The following KCNA7 variants were observed in gnomAD, a reference collection of about 807,000 sequenced individuals.
KCNA7 encodes the protein potassium channel, voltage gated shaker related subfamily A, member 7.
A neutral mutation model predicts 21.5 loss-of-function variants in KCNA7; 15 were observed. The ratio of observed to expected loss-of-function variants is 0.70; its 90% CI spans 0.47 to 1.07. KCNA7 has a LOEUF of 1.07. Among genes scored for constraint, KCNA7 ranks in the 50% least tolerant of loss-of-function variants. The pLI is 0.00. For missense variants in KCNA7, 640 were observed against 651.6 expected (o/e 0.98, Z 0.19); for synonymous variants, 298 against 291.0 (o/e 1.02, Z -0.24).
intron 1 of KCNA7, 70 bp downstream of exon 1, chr19:49,071,961 C>T: frequency 7.0e-7 from 1 of 1,438,834 alleles, no homozygotes; most frequent in African/African-American, 1.4e-5. Context: ...TATGATTGGC[C>T]AGGTCCCCTC....
intron 1 of KCNA7, 27 bp downstream of exon 1, chr19:49,072,004 C>A: frequency 6.6e-7 from 1 of 1,524,004 alleles, no homozygotes; most frequent in South Asian, 1.2e-5. Flanking sequence ...AAACCCCGCC[C>A]GTCTCCACCC....
rs2040227348 is a variant in KCNA7, at chr19:49,067,805, G to A, written c.*2258C>T. On this transcript the variant is annotated 3_prime_UTR_variant, in exon 2 of 2. Transcript: ENST00000221444. ...TTCCTGAGCTGCAGGGAGGGTAGGT[G>A]ACAGGCCTGGTTCAGGATTGTTCTG... 2.6e-5 allele frequency: 4 copies of A among 152,384 alleles called. 1 individual carries two copies. The South Asian group carries it at 8.3e-4, about 32-fold the overall frequency. 9.4% of individuals were successfully genotyped at this position (152,384 alleles called of 1,614,324 possible).
Position 49,070,868 on chromosome 19 carries a change from G to C in KCNA7, c.566C>G (p.Pro189Arg), listed in dbSNP as rs1611775. Residue 189 changes from proline to arginine, a missense_variant, in exon 2 of 2, where the codon CCG becomes CGG. Coordinates refer to ENST00000221444, the MANE Select transcript of KCNA7 (RefSeq NM_031886.3). The surrounding 1 kb of genome is among the most constrained non-coding windows in gnomAD (Gnocchi z 4.3). ...AAAAAGPFPA[P>R]LNGSSQMPGN... ...AGGCATTTGGCTGGAGCCATTCAGC[G>C]GAGCGGGGAACTGCAGGGAGGAAAG... 0.36 allele frequency: 579,892 copies of C among 1,611,406 alleles called. 105,799 individuals carry two copies. The highest frequency in any genetic ancestry group is 0.47 in the African/African-American group (35,022 of 74,900).
Position 49,069,682 on chromosome 19 carries a change from A to T in KCNA7, c.*381T>A, listed in dbSNP as rs2040242329. The T allele has an allele frequency of 9.7e-6, 2 of 205,954 alleles. No individual in the cohort carries two copies. Among genetic ancestry groups the T allele is most frequent in the Non-Finnish European group, 2.0e-5 (2 of 101,692 alleles). 12.8% of individuals were successfully genotyped at this position (205,954 alleles called of 1,614,324 possible). ...CAAACCACAGAATCCTACACAATGC[A>T]GCTGGACCACACTATCCCAGACTCA... On this transcript the variant is annotated 3_prime_UTR_variant, in exon 2 of 2. Transcript: ENST00000221444.
At chr19:49,071,682 G>C (rs960122790) in intron 1 of KCNA7, among the ~76,000 whole-genome samples, 1 of 152,048 alleles carries the variant, frequency 6.6e-6, no homozygotes, top group Admixed American at 6.6e-5. Context: ...AGCACCCTCA[G>C]CTGGAGTTAT....
In KCNA7 at chr19:49,070,412, T is replaced by C; in HGVS notation, c.1022A>G (p.His341Arg). 6.2e-7 allele frequency: 1 copy of C among 1,613,898 alleles called. No homozygotes were observed. The highest frequency in any genetic ancestry group is 1.1e-5 in the South Asian group (1 of 91,082). ...YFAEVDRVDS[H>R]FTSIPESFWW... ...GAAGGACTCAGGGATGCTAGTGAAA[T>C]GGGAGTCCACCCGGTCAACTTCGGC... The change falls in exon 2 of 2, where the codon CAT becomes CGT. Residue 341 changes from histidine to arginine, a missense_variant. Coordinates refer to ENST00000221444, the MANE Select transcript of KCNA7 (RefSeq NM_031886.3). This position sits in a 1 kb window ranked among gnomAD's most constrained non-coding sequence, Gnocchi z 4.3.
At chr19:49,071,720 G>A (rs573580337) in intron 1 of KCNA7, among the ~76,000 whole-genome samples, 5 of 152,156 alleles carry the variant, frequency 3.3e-5, no homozygotes, top group Admixed American at 3.3e-4. Context: ...CCACCCAGCC[G>A]CACAGACTCC....
intron 1 of KCNA7, 26 bp downstream of exon 1, chr19:49,071,984 ATCTCCTCCCAAACCCCGCCCG>A (rs535278472): frequency 0.013 from 16,650 of 1,247,236 alleles, 117 homozygotes; most frequent in Non-Finnish European, 0.016. Context: ...GACCCCGCCC[ATCTCCTCCCAAACCCCGCCCG>A]TCTCCACCCA....
Position 49,072,426 on chromosome 19 carries a change from G to A in KCNA7, c.160C>T (p.Arg54Cys), listed in dbSNP as rs1292874627. The change falls in exon 1 of 2, where the codon CGC becomes TGC. Residue 54 changes from arginine (R) to cysteine (C), a missense_variant. Physicochemically the swap from Arg to Cys is radical, Grantham distance 180. Coordinates refer to ENST00000221444, the MANE Select transcript of KCNA7 (RefSeq NM_031886.3). Reference protein sequence around the residue: ...RRGRFYDDARREYFFDRHRPS... With the variant: ...RRGRFYDDARCEYFFDRHRPS... ...CGGTGCCGGTCGAAGAAATACTCGC[G>A]GCGCGCGTCGTCGTAGAAGCGGCCG... The A allele has an allele frequency of 6.3e-7, 1 of 1,578,260 alleles. No individual in the cohort carries two copies. The highest frequency in any genetic ancestry group is 2.4e-5 in the East Asian group (1 of 42,256).
rs1464957288 is a variant in KCNA7, at chr19:49,070,958, A to G, written c.556-80T>C. On this transcript the variant is annotated intron_variant, in intron 1 of 1. Coordinates refer to ENST00000221444, the MANE Select transcript of KCNA7 (RefSeq NM_031886.3). The surrounding 1 kb of genome is among the most constrained non-coding windows in gnomAD (Gnocchi z 4.3). Reference sequence around the variant, plus strand: ...AGCCTTAATCATCATTTAAATACCCAGCTCCTCTTTACACATTGGTCAGTA... The same window carrying G: ...AGCCTTAATCATCATTTAAATACCCGGCTCCTCTTTACACATTGGTCAGTA... 8.1e-7 allele frequency: 1 copy of G among 1,240,132 alleles called. No homozygotes were observed. Among genetic ancestry groups the G allele is most frequent in the Non-Finnish European group, 1.1e-6 (1 of 897,824 alleles). The allele number at this position is 1,240,132 out of a possible 1,614,324, so 76.8% of individuals were successfully genotyped here. A position where few individuals can be genotyped will look rare whatever the true frequency, so the allele number is the denominator to read the frequency against.
intron 1 of KCNA7, among the ~76,000 whole-genome samples, chr19:49,071,471 G>A (rs1057283194): frequency 5.9e-5 from 9 of 152,028 alleles, no homozygotes; most frequent in South Asian, 2.1e-4. Context: ...CAGGAGAATC[G>A]CTTGAACCCG....
chr19:49,071,000 C>T lies in KCNA7; in HGVS notation c.556-122G>A. The T allele has an allele frequency of 1.3e-6, 1 of 776,022 alleles. No homozygotes were observed. Among genetic ancestry groups the T allele is most frequent in the Non-Finnish European group, 2.0e-6 (1 of 495,386 alleles). 48.1% of individuals were successfully genotyped at this position (776,022 alleles called of 1,614,324 possible). A position where few individuals can be genotyped will look rare whatever the true frequency, so the allele number is the denominator to read the frequency against. The stretch of plus-strand genomic sequence containing the variant: ...TGGTCAGTAGCCGCTGCGCCAAGGC[C>T]CTCCGTGACCTGGTTATCCCAGACT... On this transcript the variant is annotated intron_variant, in intron 1 of 1. Coordinates refer to ENST00000221444, the MANE Select transcript of KCNA7 (RefSeq NM_031886.3). This position sits in a 1 kb window ranked among gnomAD's most constrained non-coding sequence, Gnocchi z 4.3.
chr19:49,072,035 C>T lies in KCNA7; in HGVS notation c.551G>A (p.Gly184Asp), dbSNP rs1396319495. 7 of 1,596,814 alleles carry T rather than the reference C, an allele frequency of 4.4e-6. No individual in the cohort carries two copies. Among genetic ancestry groups the T allele is most frequent in the African/African-American group, 2.7e-5 (2 of 74,518 alleles). ...GTGLAAAAAA[G>D]PFPAPLNGSS... ...CACCCACGCCCCGCCTCTCACCGGG[C>T]CGGCTGCGGCTGCAGCAGCAAGCCC... Residue 184 changes from glycine to aspartate, a missense_variant, in exon 1 of 2, where the codon GGC (glycine) becomes GAC (aspartate). Physicochemically the swap from Gly to Asp is moderately conservative, Grantham distance 94. Transcript: ENST00000221444.
In KCNA7 at chr19:49,070,000, T is replaced by A; in HGVS notation, c.*63A>T. 28 of 1,311,120 alleles carry A rather than the reference T, an allele frequency of 2.1e-5. No individual in the cohort carries two copies. Among genetic ancestry groups the A allele is most frequent in the Admixed American group, 4.1e-5 (2 of 48,680 alleles). 81.2% of individuals were successfully genotyped at this position (1,311,120 alleles called of 1,614,324 possible). A position where few individuals can be genotyped will look rare whatever the true frequency, so the allele number is the denominator to read the frequency against. ...CAATCCCCTCCCCCCAGCCTTGCCC[T>A]CCACCCTGCCCTCCCTCCCTCCCTC... On this transcript the variant is annotated 3_prime_UTR_variant, in exon 2 of 2. Transcript: ENST00000221444.
At position 49,070,683 on chromosome 19, in the gene KCNA7, G is replaced by C. The variant is rs762137243; in HGVS notation, c.751C>G (p.Leu251Val). The change falls in exon 2 of 2, where the codon CTT (leucine) becomes GTT (valine). Residue 251 changes from leucine (L) to valine (V), a missense_variant. Physicochemically the swap from Leu to Val is conservative, Grantham distance 32 (BLOSUM62 1). Coordinates refer to ENST00000221444, the MANE Select transcript of KCNA7 (RefSeq NM_031886.3). The surrounding 1 kb of genome is among the most constrained non-coding windows in gnomAD (Gnocchi z 4.3). ...GTGCCCAGTGCCACAAAGTAGGGAAGGATAGCCACAAAATCGATGAGGTTC... is the reference window on the plus strand; with the variant it reads ...GTGCCCAGTGCCACAAAGTAGGGAACGATAGCCACAAAATCGATGAGGTTC... ...VMNLIDFVAI[L>V]PYFVALGTEL... is the part of the protein sequence containing the mutation. 1 of 1,614,160 alleles carries C rather than the reference G, an allele frequency of 6.2e-7. No individual in the cohort carries two copies. Among genetic ancestry groups the C allele is most frequent in the South Asian group, 1.1e-5 (1 of 91,080 alleles).
rs1325190564 is a variant in KCNA7 at position 49,069,571 on chromosome 19, A to G, written c.*492T>C. On this transcript the variant is annotated 3_prime_UTR_variant, in exon 2 of 2. Coordinates refer to ENST00000221444, the MANE Select transcript of KCNA7 (RefSeq NM_031886.3). ...GCTACACAATTTCCACCATGTCTCA[A>G]CGAAACTTAACACCACACACATTCG... is the stretch of plus-strand genomic sequence containing the variant. 6.5e-6 allele frequency: 1 copy of G among 154,612 alleles called. No homozygotes were observed. Among genetic ancestry groups the G allele is most frequent in the African/African-American group, 2.4e-5 (1 of 41,468 alleles). 9.6% of individuals were successfully genotyped at this position (154,612 alleles called of 1,614,324 possible).
In KCNA7 at chr19:49,070,888, G is replaced by A. The variant is rs758331683; in HGVS notation, c.556-10C>T. The A allele has an allele frequency of 1.1e-5, 17 of 1,606,158 alleles. No individual in the cohort carries two copies. The African/African-American group carries it at 1.9e-4, about 18-fold the overall frequency. On this transcript the variant is annotated splice_polypyrimidine_tract_variant and intron_variant, in intron 1 of 1. Coordinates refer to ENST00000221444, the MANE Select transcript of KCNA7 (RefSeq NM_031886.3). This position sits in a 1 kb window ranked among gnomAD's most constrained non-coding sequence, Gnocchi z 4.3. ...TCAGCGGAGCGGGGAACTGCAGGGA[G>A]GAAAGTGTTCAGGGAGGGTCAGGCT...
At chr19:49,071,982 C>T in intron 1 of KCNA7, 49 bp downstream of exon 1, 1 of 1,523,158 alleles carries the variant, frequency 6.6e-7, no homozygotes. Flanking sequence ...TGGACCCCGC[C>T]CATCTCCTCC....
At chr19:49,071,163 A>C (rs983587424) in intron 1 of KCNA7, among the ~76,000 whole-genome samples, 5 of 151,944 alleles carry the variant, frequency 3.3e-5, no homozygotes, top group Admixed American at 3.3e-4. Context: ...CTTCTCTCTC[A>C]AAGTCCCGCC....
Sources: gnomAD v4.1 joint callset for allele counts (sites outside exome capture counted in the v4.1 genomes callset) on GRCh38, gnomAD v4.1.1 for gene constraint, Gnocchi (gnomAD v3.1) non-coding constraint, MANE v1.5 for transcripts, NCBI Gene and HGNC (gene_info 2026-07-23, HGNC 2026-07-21) for gene names.